The following PDSS2 variants were observed in gnomAD, a reference collection of about 807,000 sequenced individuals.
PDSS2 encodes the protein all trans-polyprenyl-diphosphate synthase PDSS2.
In PDSS2, 31 loss-of-function variants were observed where a neutral mutation model predicts 44.5. The ratio of observed to expected loss-of-function variants is 0.70; its 90% CI spans 0.52 to 0.94. The LOEUF (loss-of-function observed/expected upper bound fraction) is 0.94, where lower values mean the gene tolerates loss of function less well. Among genes scored for constraint, PDSS2 ranks in the 40% least tolerant of loss-of-function variants. The pLI, the probability that PDSS2 is intolerant of heterozygous loss-of-function variation, is 0.00. For missense variants in PDSS2, 452 were observed against 482.2 expected, an observed-to-expected ratio of 0.94 and a Z score of 0.59; for synonymous variants, 157 against 180.3, an observed-to-expected ratio of 0.87 and a Z score of 1.03.
chr6:107,347,333 G>A (rs1017098295), intron 1 of PDSS2, among the ~76,000 whole-genome samples: 1 of 140,322 alleles, frequency 7.1e-6, no homozygotes, highest in African/African-American at 2.7e-5. Context: ...CGCGGTCTCA[G>A]CTCTCCACAT....
rs144310184 is a variant in PDSS2, at chr6:107,168,989, C to T, written c.1042-14212G>A. ...CTCTTCTCGAGGAGTATCTTTGTGGCGTTCTCTGTATTTCCTGAATTTGAA... is the reference window on the plus strand; with the variant it reads ...CTCTTCTCGAGGAGTATCTTTGTGGTGTTCTCTGTATTTCCTGAATTTGAA... On this transcript the variant is annotated intron_variant, in intron 7 of 7. Transcript: ENST00000369037. 5.4e-3 allele frequency among the ~76,000 whole-genome samples: 822 copies of T among 152,104 alleles called. 5 individuals carry two copies. Among genetic ancestry groups the T allele is most frequent in the Non-Finnish European group, 9.0e-3 (611 of 68,004 alleles).
intron 2 of PDSS2, among the ~76,000 whole-genome samples, chr6:107,303,705 C>G (rs1562448573): frequency 6.6e-6 from 1 of 152,128 alleles, no homozygotes; most frequent in Non-Finnish European, 1.5e-5. Flanking sequence ...CCACAATATT[C>G]TCCAGACCCC....
chr6:107,363,049 T>C (rs1469886400), intron 1 of PDSS2, among the ~76,000 whole-genome samples: 1 of 152,100 alleles, frequency 6.6e-6, no homozygotes, highest in African/African-American at 2.4e-5. Flanking sequence ...ATATCAAGCA[T>C]ACTAATAAAG....
chr6:107,292,233 A>AC (rs938475039), intron 2 of PDSS2, among the ~76,000 whole-genome samples: 21 of 152,014 alleles, frequency 1.4e-4, no homozygotes, highest in Non-Finnish European at 2.4e-4. Context: ...TTAAAAAAAA[A>AC]AAAAACCTTT....
At chr6:107,447,508 A>C (rs1014392866) in intron 1 of PDSS2, among the ~76,000 whole-genome samples, 1 of 152,144 alleles carries the variant, frequency 6.6e-6, no homozygotes, top group Non-Finnish European at 1.5e-5. Flanking sequence ...ATTAAACCTT[A>C]AAAGTTCCAA....
intron 1 of PDSS2, among the ~76,000 whole-genome samples, chr6:107,407,754 C>T: frequency 6.6e-6 from 1 of 152,154 alleles, no homozygotes; most frequent in East Asian, 1.9e-4. Flanking sequence ...GGCTGGAGTG[C>T]AGTGCCACGG....
intron 1 of PDSS2, among the ~76,000 whole-genome samples, chr6:107,408,696 T>C (rs571757653): frequency 2.0e-5 from 3 of 152,328 alleles, no homozygotes; most frequent in East Asian, 3.9e-4. Flanking sequence ...GCACTGTCAA[T>C]TGATGCCATG....
intron 1 of PDSS2, among the ~76,000 whole-genome samples, chr6:107,448,091 G>A (rs1272831570): frequency 3.3e-5 from 5 of 152,170 alleles, no homozygotes; most frequent in African/African-American, 1.2e-4. Context: ...TACAGCAGGG[G>A]GGGCTGGACC....
intron 6 of PDSS2, 33 bp downstream of exon 6, chr6:107,210,406 C>A: frequency 6.6e-7 from 1 of 1,520,462 alleles, no homozygotes; most frequent in Non-Finnish European, 9.1e-7. Flanking sequence ...CTAATTACTA[C>A]TGGTACCTAA....
At chr6:107,423,382 G>C (rs1780887870) in intron 1 of PDSS2, among the ~76,000 whole-genome samples, 2 of 152,126 alleles carry the variant, frequency 1.3e-5, no homozygotes, top group Admixed American at 6.5e-5. Flanking sequence ...TAAGGAAGGA[G>C]GACAGCATAT....
At chr6:107,360,121 T>A (rs544668755) in intron 1 of PDSS2, among the ~76,000 whole-genome samples, 26 of 152,304 alleles carry the variant, frequency 1.7e-4, no homozygotes, top group Admixed American at 1.6e-3. Context: ...CACCTCAAAT[T>A]TCACACTTTC....
chr6:107,193,250 T>C (rs554396529), intron 7 of PDSS2, among the ~76,000 whole-genome samples: 1 of 152,266 alleles, frequency 6.6e-6, no homozygotes, highest in South Asian at 2.1e-4. Context: ...CCTGTACTGC[T>C]CTCTCCATCA....
intron 2 of PDSS2, among the ~76,000 whole-genome samples, chr6:107,313,646 G>T (rs192804306): frequency 2.6e-5 from 4 of 151,932 alleles, no homozygotes; most frequent in Admixed American, 6.6e-5. Flanking sequence ...GAGCCACCAC[G>T]CCCGGCCCTA....
intron 4 of PDSS2, among the ~76,000 whole-genome samples, chr6:107,239,350 T>C (rs1398396804): frequency 6.6e-6 from 1 of 152,160 alleles, no homozygotes; most frequent in Non-Finnish European, 1.5e-5. Context: ...AATTGTTCAG[T>C]AAATTACAGT....
chr6:107,394,642 T>C (rs952867046), intron 1 of PDSS2, among the ~76,000 whole-genome samples: 3 of 152,184 alleles, frequency 2.0e-5, no homozygotes, highest in African/African-American at 7.2e-5. Flanking sequence ...ATCCAAACCA[T>C]GTCACTTATC....
chr6:107,161,951 A>C (rs909261786), intron 7 of PDSS2, among the ~76,000 whole-genome samples: 5 of 152,114 alleles, frequency 3.3e-5, no homozygotes, highest in Non-Finnish European at 5.9e-5. Flanking sequence ...CTCTTGGGGG[A>C]CAAAAGCCTG....
At chr6:107,227,578 A>C (rs1314270885) in intron 4 of PDSS2, among the ~76,000 whole-genome samples, 1 of 152,074 alleles carries the variant, frequency 6.6e-6, no homozygotes, top group Non-Finnish European at 1.5e-5. Context: ...GAGCCACTGC[A>C]TCGGGCCCAG....
chr6:107,421,742 T>C (rs1476319180), intron 1 of PDSS2, among the ~76,000 whole-genome samples: 1 of 151,242 alleles, frequency 6.6e-6, no homozygotes, highest in East Asian at 2.0e-4. Flanking sequence ...TTCATAGCGA[T>C]GGAACAGTCC....
intron 1 of PDSS2, among the ~76,000 whole-genome samples, chr6:107,424,036 C>CTTTT (rs56318621): frequency 4.6e-4 from 42 of 90,570 alleles, no homozygotes; most frequent in African/African-American, 1.5e-3. Context: ...TATCTTGCAT[C>CTTTT]TTTTTTTTTT....
Sources: gnomAD v4.1 joint callset for allele counts (sites outside exome capture counted in the v4.1 genomes callset) on GRCh38, gnomAD v4.1.1 for gene constraint, MANE v1.5 for transcripts, NCBI Gene and HGNC (gene_info 2026-07-23, HGNC 2026-07-21) for gene names.